Variants in HEPN1 observed in about 807,000 individuals in gnomAD.
HEPN1 encodes the protein protein HEPN1.
For synonymous variants in HEPN1, 46 were observed against 41.2 expected, an observed-to-expected ratio of 1.12 and a Z score of -0.45; for missense variants, 97 against 103.3, an observed-to-expected ratio of 0.94 and a Z score of 0.26.
At chr11:124,920,082 G>A in exon 1 of HEPN1, 4 of 1,538,616 alleles carry the variant, frequency 2.6e-6, no homozygotes, top group African/African-American at 2.8e-5. Flanking sequence ...CAGATGGGTG[G>A]CAGGAGGCCA....
chr11:124,920,123 G>A, exon 1 of HEPN1: 8 of 1,301,632 alleles, frequency 6.1e-6, no homozygotes, highest in Non-Finnish European at 8.5e-6. Context: ...CCAAATGCTG[G>A]GAAGCAATAA....
chr11:124,920,427 AG>A (rs1947111842), exon 1 of HEPN1: 2 of 1,547,862 alleles, frequency 1.3e-6, no homozygotes, highest in Middle Eastern at 3.3e-4. Flanking sequence ...AGGCTGTGGG[AG>A]GAGGCCAAGC....
exon 1 of HEPN1, chr11:124,919,629 T>G: frequency 8.7e-7 from 1 of 1,144,088 alleles, no homozygotes; most frequent in African/African-American, 1.5e-5. Context: ...CAAATGAGCC[T>G]GGGGAAGTGC....
chr11:124,920,677 GCAAAA>G (rs886047924), downstream of HEPN1: 7,621 of 104,290 alleles, frequency 0.073, 114 homozygotes, highest in Non-Finnish European at 0.079. Flanking sequence ...ATCTGAACTT[GCAAAA>G]AAAAAAAAAA....
At chr11:124,920,143 TC>T in exon 1 of HEPN1, 7 of 1,095,872 alleles carry the variant, frequency 6.4e-6, no homozygotes, top group Non-Finnish European at 9.3e-6. Context: ...AGCCTCCTCC[TC>T]CCCCCACCAT....
exon 1 of HEPN1, chr11:124,920,020 A>G: frequency 7.5e-6 from 12 of 1,610,690 alleles, no homozygotes; most frequent in Non-Finnish European, 1.0e-5. Context: ...TAGTGTGATT[A>G]GGGAGTCTGC....
chr11:124,919,993 C>T, exon 1 of HEPN1: 2 of 1,613,142 alleles, frequency 1.2e-6, no homozygotes, highest in Non-Finnish European at 1.7e-6. Context: ...AGCGGCCCAG[C>T]CTCTTTATTT....
exon 1 of HEPN1, chr11:124,919,920 T>C (rs768666007): frequency 1.9e-6 from 3 of 1,614,040 alleles, no homozygotes; most frequent in Non-Finnish European, 2.5e-6. Flanking sequence ...CCTCACACAG[T>C]AGATTACTGC....
exon 1 of HEPN1, chr11:124,919,985 C>A (rs200260330): frequency 1.9e-6 from 3 of 1,613,428 alleles, no homozygotes; most frequent in African/African-American, 1.3e-5. Flanking sequence ...GGCTACACAG[C>A]GGCCCAGCCT....
chr11:124,919,739 G>T, exon 1 of HEPN1: 1 of 1,612,752 alleles, frequency 6.2e-7, no homozygotes. Flanking sequence ...AACTTGACCT[G>T]GTGTGGAGGT....
chr11:124,920,256 G>A (rs1947108871), exon 1 of HEPN1: 3 of 933,356 alleles, frequency 3.2e-6, no homozygotes, highest in Non-Finnish European at 4.8e-6. Context: ...GAAGCCAGGA[G>A]GAATATATGA....
exon 1 of HEPN1, chr11:124,920,670 T>G: frequency 4.0e-6 from 1 of 249,942 alleles, no homozygotes; most frequent in Non-Finnish European, 5.2e-6. Flanking sequence ...CTCTCTAATC[T>G]GAACTTGCAA....
exon 1 of HEPN1, chr11:124,919,421 G>A: frequency 3.5e-6 from 1 of 288,764 alleles, no homozygotes. Context: ...GGCCCCTCAG[G>A]GATTCAGCAC....
In HEPN1 at chr11:124,920,095, G is replaced by T. The variant is rs1947105986; in HGVS notation, c.*78G>T. 3 of 1,489,750 alleles carry T rather than the reference G, an allele frequency of 2.0e-6. No homozygotes were observed. In the South Asian group the frequency reaches 3.9e-5, roughly 19 times the overall value. 92.3% of individuals were successfully genotyped at this position (1,489,750 alleles called of 1,614,324 possible). On this transcript the variant is annotated 3_prime_UTR_variant, in exon 1 of 1. Transcript: ENST00000408930. ...GGCAGATGGGTGGCAGGAGGCCAGGGGTTGGATCATGTTCCCCCCAAATGC... is the reference window on the plus strand; with the variant it reads ...GGCAGATGGGTGGCAGGAGGCCAGGTGTTGGATCATGTTCCCCCCAAATGC...
At chr11:124,920,091 C>T (rs1947105910) in exon 1 of HEPN1, 1 of 1,509,110 alleles carries the variant, frequency 6.6e-7, no homozygotes, top group African/African-American at 1.4e-5. Context: ...GGCAGGAGGC[C>T]AGGGGTTGGA....
chr11:124,920,650 G>T, exon 1 of HEPN1: 1 of 746,628 alleles, frequency 1.3e-6, no homozygotes. Context: ...GTGGATTCTG[G>T]GAAAGTGGCC....
At position 124,920,113 on chromosome 11, in the gene HEPN1, C is replaced by G. The variant is rs1016425440; in HGVS notation, c.*96C>G. 2.4e-5 allele frequency: 33 copies of G among 1,378,990 alleles called. 1 individual carries two copies. Among genetic ancestry groups the G allele is most frequent in the Non-Finnish European group, 2.9e-5 (29 of 1,004,802 alleles). 85.4% of individuals were successfully genotyped at this position (1,378,990 alleles called of 1,614,324 possible). ...GGCCAGGGGTTGGATCATGTTCCCCCCAAATGCTGGGAAGCAATAAGCCTC... is the reference window on the plus strand; with the variant it reads ...GGCCAGGGGTTGGATCATGTTCCCCGCAAATGCTGGGAAGCAATAAGCCTC... On this transcript the variant is annotated 3_prime_UTR_variant, in exon 1 of 1. Coordinates refer to ENST00000408930, the Ensembl canonical transcript of HEPN1.
exon 1 of HEPN1, chr11:124,920,022 G>C (rs766188844): frequency 6.2e-7 from 1 of 1,610,402 alleles, no homozygotes; most frequent in Admixed American, 1.7e-5. Flanking sequence ...GTGTGATTAG[G>C]GAGTCTGCCC....
At position 124,920,666 on chromosome 11, in the gene HEPN1, A is replaced by C. The variant is rs372662415; in HGVS notation, c.*649A>C. On this transcript the variant is annotated 3_prime_UTR_variant, in exon 1 of 1. Coordinates refer to ENST00000408930, the Ensembl canonical transcript of HEPN1. ...TGGATTCTGGGAAAGTGGCCTCTCT[A>C]ATCTGAACTTGCAAAAAAAAAAAAA... 5.6e-4 allele frequency: 427 copies of C among 765,000 alleles called. 1 individual carries two copies. The highest frequency in any genetic ancestry group is 3.2e-3 in the Admixed American group (36 of 11,314). The allele number at this position is 765,000 out of a possible 1,614,324, so 47.4% of individuals were successfully genotyped here. A position where few individuals can be genotyped will look rare whatever the true frequency, so the allele number is the denominator to read the frequency against.
Sources: gnomAD v4.1 joint callset for allele counts on GRCh38, gnomAD v4.1.1 for gene constraint, MANE v1.5 for transcripts, NCBI Gene and HGNC (gene_info 2026-07-23, HGNC 2026-07-21) for gene names.